Variants in DKK2 observed in about 807,000 individuals in gnomAD.
The protein encoded by DKK2 is dickkopf-related protein 2.
In DKK2, 11 loss-of-function variants were observed where a neutral mutation model predicts 28.1. The observed-to-expected ratio is 0.39, with a 90% CI of 0.25 to 0.65. The LOEUF is 0.65. DKK2 is among the 30% of genes least tolerant of loss of function. The pLI, the probability that DKK2 is intolerant of heterozygous loss-of-function variation, is 0.47. For synonymous variants in DKK2, 135 were observed against 126.5 expected (o/e 1.07, Z -0.45); for missense variants, 326 against 335.5 (o/e 0.97, Z 0.22).
intron 1 of DKK2, among the ~76,000 whole-genome samples, chr4:106,978,877 G>C (rs1029044677): frequency 6.6e-6 from 1 of 152,046 alleles, no homozygotes; most frequent in Non-Finnish European, 1.5e-5. Context: ...GAAACCCAGG[G>C]CCCTGGTGGT....
Position 106,923,761 on chromosome 4 carries a change from C to T in DKK2, c.*193G>A, listed in dbSNP as rs2110338482. 2 of 693,802 alleles carry T rather than the reference C, an allele frequency of 2.9e-6. No homozygotes were observed. The highest frequency in any genetic ancestry group is 4.2e-4 in the Middle Eastern group (1 of 2,358). 43.0% of individuals were successfully genotyped at this position (693,802 alleles called of 1,614,324 possible). ...ACAAGTTGCATAATGGAAACACTGG[C>T]TGCACTGCATTTGTCACCCATTCTA... On this transcript the variant is annotated 3_prime_UTR_variant, in exon 4 of 4. Transcript: ENST00000285311.
At chr4:106,963,872 T>C (rs1199932084) in intron 1 of DKK2, among the ~76,000 whole-genome samples, 1 of 152,212 alleles carries the variant, frequency 6.6e-6, no homozygotes, top group Admixed American at 6.6e-5. Context: ...TTCTTCTAAC[T>C]CTATTTTTCA....
At chr4:106,932,735 G>A (rs185684156) in intron 1 of DKK2, among the ~76,000 whole-genome samples, 1 of 152,244 alleles carries the variant, frequency 6.6e-6, no homozygotes, top group Admixed American at 6.5e-5. Context: ...AAGTATAATT[G>A]TCCTAACCAA....
chr4:107,015,652 A>G (rs1723586613), intron 1 of DKK2, among the ~76,000 whole-genome samples: 1 of 151,736 alleles, frequency 6.6e-6, no homozygotes, highest in Non-Finnish European at 1.5e-5. Context: ...TTGTTACCCA[A>G]TGTTTTCCAG....
At chr4:106,963,077 G>A (rs1027003452) in intron 1 of DKK2, among the ~76,000 whole-genome samples, 19 of 137,514 alleles carry the variant, frequency 1.4e-4, no homozygotes, top group African/African-American at 5.1e-4. Flanking sequence ...AAACAAAACC[G>A]GGCGCGAGGT....
intron 1 of DKK2, among the ~76,000 whole-genome samples, chr4:107,029,133 A>G (rs1723838066): frequency 1.3e-5 from 2 of 152,202 alleles, no homozygotes; most frequent in Non-Finnish European, 1.5e-5. Context: ...GCTGGGAGCA[A>G]CAGGGAGTTT....
chr4:106,992,439 A>C (rs934422524), intron 1 of DKK2, among the ~76,000 whole-genome samples: 2 of 152,122 alleles, frequency 1.3e-5, no homozygotes, highest in Admixed American at 1.3e-4. Flanking sequence ...TTGGCCATTG[A>C]AAGTTTGCTT....
Position 106,935,176 on chromosome 4 carries a change from G to T in DKK2, c.223-9227C>A, listed in dbSNP as rs1724562117. The stretch of plus-strand genomic sequence containing the variant: ...CCCAGCATGAGTGAGGCAGAAGACG[G>T]TGATTTCTGCATTTCCATCTGAGGT... On this transcript the variant is annotated intron_variant, in intron 1 of 3. Transcript: ENST00000285311. Among the ~76,000 whole-genome samples, 6 of 152,310 alleles carry T rather than the reference G, an allele frequency of 3.9e-5. No homozygotes were observed. In the South Asian group the frequency reaches 1.2e-3, roughly 32 times the overall value.
At chr4:106,927,140 A>G (rs919785351) in intron 1 of DKK2, among the ~76,000 whole-genome samples, 27 of 152,354 alleles carry the variant, frequency 1.8e-4, no homozygotes, top group African/African-American at 6.0e-4. Flanking sequence ...AAACTATGGG[A>G]TAAAATGGTT....
At chr4:106,960,370 T>C (rs1455128931) in intron 1 of DKK2, among the ~76,000 whole-genome samples, 2 of 151,976 alleles carry the variant, frequency 1.3e-5, no homozygotes, top group South Asian at 2.1e-4. Flanking sequence ...AGCTAAGCCA[T>C]GAGTAGACAA....
chr4:106,931,247 AT>A (rs1302069325), intron 1 of DKK2, among the ~76,000 whole-genome samples: 29 of 152,228 alleles, frequency 1.9e-4, no homozygotes, highest in Middle Eastern at 3.4e-3. Flanking sequence ...AAAAGTTCAG[AT>A]ATTACATGAT....
chr4:106,941,032 G>A (rs955478043), intron 1 of DKK2, among the ~76,000 whole-genome samples: 8 of 151,800 alleles, frequency 5.3e-5, no homozygotes, highest in South Asian at 2.1e-4. Flanking sequence ...TGGGGGCAGC[G>A]CACCAGCATG....
At chr4:106,976,832 G>A (rs1259347958) in intron 1 of DKK2, among the ~76,000 whole-genome samples, 1 of 152,104 alleles carries the variant, frequency 6.6e-6, no homozygotes. Context: ...TCTTCAAAGG[G>A]TCGATGGTCT....
intron 1 of DKK2, among the ~76,000 whole-genome samples, chr4:107,030,112 A>T (rs1723853924): frequency 6.6e-6 from 1 of 152,094 alleles, no homozygotes; most frequent in Non-Finnish European, 1.5e-5. Flanking sequence ...TATTAAAAAA[A>T]ATTTAACAGG....
At chr4:106,996,784 C>G (rs1004244225) in intron 1 of DKK2, among the ~76,000 whole-genome samples, 1 of 152,180 alleles carries the variant, frequency 6.6e-6, no homozygotes, top group Non-Finnish European at 1.5e-5. Flanking sequence ...CTACTTTAGC[C>G]TTTCTTGATA....
At chr4:106,951,711 C>T (rs13148189) in intron 1 of DKK2, among the ~76,000 whole-genome samples, 4,839 of 152,158 alleles carry the variant, frequency 0.032, 120 homozygotes, top group South Asian at 0.056. Flanking sequence ...TAAAGGTAAA[C>T]ATGTTAAACT....
chr4:106,952,386 C>T (rs1238978898), intron 1 of DKK2, among the ~76,000 whole-genome samples: 1 of 152,088 alleles, frequency 6.6e-6, no homozygotes, highest in African/African-American at 2.4e-5. Context: ...TTTATTTCAG[C>T]TATACTGATA....
At chr4:106,994,625 G>T (rs755775858) in intron 1 of DKK2, among the ~76,000 whole-genome samples, 1 of 152,190 alleles carries the variant, frequency 6.6e-6, no homozygotes, top group Non-Finnish European at 1.5e-5. Context: ...AACTGGGGGA[G>T]TAGAGACCAA....
chr4:106,980,652 C>T (rs898918224), intron 1 of DKK2, among the ~76,000 whole-genome samples: 2 of 152,094 alleles, frequency 1.3e-5, no homozygotes, highest in African/African-American at 2.4e-5. Context: ...ATAATACATG[C>T]TGAATTCGCT....
Sources: allele counts gnomAD v4.1 joint callset (sites outside exome capture counted in the v4.1 genomes callset), GRCh38; gene constraint gnomAD v4.1.1; transcripts MANE v1.5; gene names NCBI Gene and HGNC (gene_info 2026-07-23, HGNC 2026-07-21).